LRP5: variants seen among roughly 807,000 people sequenced by gnomAD.
LRP5 encodes the protein LDL receptor related protein 5, also known as low-density lipoprotein receptor-related protein 5.
Under a neutral mutation model 154.1 loss-of-function variants are expected in LRP5, and 62 were observed. The observed-to-expected ratio is 0.40, with a 90% confidence interval of 0.33 to 0.50. LRP5 has a LOEUF of 0.50. LRP5 is among the 20% of genes least tolerant of loss of function. The pLI, the probability that LRP5 is intolerant of heterozygous loss-of-function variation, is 0.55. For missense variants in LRP5, 1,915 were observed against 2,336.7 expected, an observed-to-expected ratio of 0.82 and a Z score of 3.72; for synonymous variants, 966 against 1,011.5, an observed-to-expected ratio of 0.96 and a Z score of 0.85.
At chr11:68,313,361 G>A (rs1417317251) in intron 1 of LRP5, among the ~76,000 whole-genome samples, 1 of 152,128 alleles carries the variant, frequency 6.6e-6, no homozygotes, top group Non-Finnish European at 1.5e-5. Context: ...ACTGACACCT[G>A]CCAGGTGCCC....
chr11:68,385,694 G>A (rs1158389866), intron 5 of LRP5, among the ~76,000 whole-genome samples: 4 of 152,086 alleles, frequency 2.6e-5, no homozygotes, highest in South Asian at 2.1e-4. Context: ...CCTTCATCTC[G>A]GTGGCCTGGG....
chr11:68,414,160 T>G (rs1421174436), intron 12 of LRP5, 148 bp downstream of exon 12: 2 of 782,842 alleles, frequency 2.6e-6, no homozygotes, highest in Non-Finnish European at 2.2e-6. Context: ...TGCATGATGC[T>G]ACCTGGGGGT....
At position 68,395,026 on chromosome 11, in the gene LRP5, C is replaced by T. The variant is rs377481862; in HGVS notation, c.1584+4974C>T. 3.1e-4 allele frequency among the ~76,000 whole-genome samples: 46 copies of T among 149,822 alleles called. 1 individual carries two copies. In the South Asian group the frequency reaches 9.2e-3, roughly 30 times the overall value. ...ATTGAGAGCAACCGAGGTGGCTGGGCGTGGTGGCTTACGCCTGTAATCCCA... is the reference window on the plus strand; with the variant it reads ...ATTGAGAGCAACCGAGGTGGCTGGGTGTGGTGGCTTACGCCTGTAATCCCA... On this transcript the variant is annotated intron_variant, in intron 7 of 22. Coordinates refer to ENST00000294304, the MANE Select transcript of LRP5 (RefSeq NM_002335.4).
chr11:68,348,367 G>A (rs1457589971), intron 2 of LRP5, 124 bp downstream of exon 2: 7 of 1,318,296 alleles, frequency 5.3e-6, no homozygotes, highest in Non-Finnish European at 4.2e-6. Flanking sequence ...TGAACCCGTG[G>A]GGGGGTTGGC....
At chr11:68,315,302 C>T (rs1324804381) in intron 1 of LRP5, among the ~76,000 whole-genome samples, 1 of 152,212 alleles carries the variant, frequency 6.6e-6, no homozygotes, top group Admixed American at 6.5e-5. Flanking sequence ...CTTTCTGGCC[C>T]CAGCCGGTCT....
intron 1 of LRP5, among the ~76,000 whole-genome samples, chr11:68,346,370 G>A (rs1192955251): frequency 6.6e-6 from 1 of 152,248 alleles, no homozygotes. Flanking sequence ...TCCTGGGAAT[G>A]GGAGGGGCCA....
In LRP5 at chr11:68,449,113, G is replaced by T; in HGVS notation, c.*43G>T. The T allele has an allele frequency of 7.3e-7, 1 of 1,363,112 alleles. No homozygotes were observed. The allele number at this position is 1,363,112 out of a possible 1,614,324, so 84.4% of individuals were successfully genotyped here. ...TGGCTTCTCTGTGCCCCTGTAAATA[G>T]TTTTAAATATGAACAAAGAAAAAAA... On this transcript the variant is annotated 3_prime_UTR_variant, in exon 23 of 23. Transcript: ENST00000294304.
rs199871539 is a variant in LRP5, at chr11:68,438,631, G to A, written c.4297G>A (p.Val1433Met). The A allele has an allele frequency of 4.0e-5, 65 of 1,613,630 alleles. No homozygotes were observed. The East Asian group carries it at 8.7e-4, about 22-fold the overall frequency. Residue 1433 changes from valine to methionine, a missense_variant, in exon 20 of 23, where the codon GTG becomes ATG. Coordinates refer to ENST00000294304, the MANE Select transcript of LRP5 (RefSeq NM_002335.4). ...PHEYVSGTPH[V>M]PLNFIAPGGS... ...CGAGTATGTCAGCGGGACCCCGCAC[G>A]TGCCCCTCAATTTCATAGCCCCGGG...
intron 2 of LRP5, among the ~76,000 whole-genome samples, chr11:68,350,233 C>T (rs745821469): frequency 2.6e-5 from 4 of 152,224 alleles, no homozygotes; most frequent in Admixed American, 6.5e-5. Flanking sequence ...CACAGGGTTT[C>T]GCCATGTTGG....
At position 68,428,575 on chromosome 11, in the gene LRP5, G is replaced by A. The variant is rs367933304; in HGVS notation, c.3638-1000G>A. Among the ~76,000 whole-genome samples, 67 of 151,848 alleles carry A rather than the reference G, an allele frequency of 4.4e-4. No individual in the cohort carries two copies. In the East Asian group the frequency reaches 8.0e-3, roughly 18 times the overall value. ...ATGTGTCCATCTCCTTTGTGTCTGC[G>A]TCTTTACCTCTTCTTCTTGTCTGTG... On this transcript the variant is annotated intron_variant, in intron 16 of 22. Coordinates refer to ENST00000294304, the MANE Select transcript of LRP5 (RefSeq NM_002335.4).
intron 1 of LRP5, among the ~76,000 whole-genome samples, chr11:68,321,704 G>A (rs558005491): frequency 1.8e-4 from 27 of 152,294 alleles, no homozygotes; most frequent in African/African-American, 4.8e-4. Context: ...GCATTAGCCC[G>A]ATGGCAAATA....
chr11:68,432,130 G>T (rs920906881), intron 17 of LRP5, among the ~76,000 whole-genome samples: 1 of 152,090 alleles, frequency 6.6e-6, no homozygotes, highest in African/African-American at 2.4e-5. Context: ...AGCCGGGCGC[G>T]CCCCTGGCTC....
chr11:68,305,063 CA>C, the LRP5 span, among the ~76,000 whole-genome samples: 11 of 151,792 alleles, frequency 7.2e-5, no homozygotes, highest in African/African-American at 2.7e-4. Flanking sequence ...TCTGGGGGGC[CA>C]GGGGTGGAAT....
In LRP5 at chr11:68,386,378, C is replaced by T. The variant is rs779767448; in HGVS notation, c.1078C>T (p.Pro360Ser). Reference sequence around the variant, plus strand: ...CCTACGGAGGATCTCGCTGGACACGCCGGACTTCACCGACATCGTGCTGCA... The same window carrying T: ...CCTACGGAGGATCTCGCTGGACACGTCGGACTTCACCGACATCGTGCTGCA... Reference protein sequence around the residue: ...TDLRRISLDTPDFTDIVLQVD... With the variant: ...TDLRRISLDTSDFTDIVLQVD... Residue 360 changes from proline (P) to serine (S), a missense_variant, in exon 6 of 23, where the codon CCG becomes TCG. Transcript: ENST00000294304. This position sits in a 1 kb window ranked among gnomAD's most constrained non-coding sequence, Gnocchi z 7.9. The T allele has an allele frequency of 6.2e-7, 1 of 1,613,732 alleles. No homozygotes were observed. Among genetic ancestry groups the T allele is most frequent in the South Asian group, 1.1e-5 (1 of 91,082 alleles).
chr11:68,353,484 G>A lies in LRP5; in HGVS notation c.489-4166G>A, dbSNP rs2098620487. ...GATTCCAGCCTGTCACAGCGCCCGC[G>A]GCAGCAACCCCTGCTCGCCAAATAC... On this transcript the variant is annotated intron_variant, in intron 2 of 22. Coordinates refer to ENST00000294304, the MANE Select transcript of LRP5 (RefSeq NM_002335.4). This position sits in a 1 kb window ranked among gnomAD's most constrained non-coding sequence, Gnocchi z 4.5. Among the ~76,000 whole-genome samples the A allele has an allele frequency of 6.6e-6, 1 of 152,162 alleles. No individual in the cohort carries two copies. Among genetic ancestry groups the A allele is most frequent in the Non-Finnish European group, 1.5e-5 (1 of 68,034 alleles).
At chr11:68,366,059 C>T (rs532407612) in intron 5 of LRP5, among the ~76,000 whole-genome samples, 9 of 152,136 alleles carry the variant, frequency 5.9e-5, no homozygotes, top group Admixed American at 1.3e-4. Flanking sequence ...TTCCAGGTGT[C>T]GGTTCGGGGC....
intron 10 of LRP5, among the ~76,000 whole-genome samples, chr11:68,410,350 A>C (rs957115437): frequency 3.3e-5 from 5 of 152,188 alleles, no homozygotes; most frequent in African/African-American, 1.2e-4. Context: ...TGTATCAGGC[A>C]CAGTGCTGGC....
rs181450034 is a variant in LRP5 at position 68,330,918 on chromosome 11, C to T, written c.92-16929C>T. Among the ~76,000 whole-genome samples the T allele has an allele frequency of 5.2e-3, 790 of 152,342 alleles. 3 individuals carry two copies. Among genetic ancestry groups the T allele is most frequent in the Non-Finnish European group, 8.6e-3 (582 of 68,030 alleles). ...GTCCAGGATTCAGGGCGCCTCTGAC[C>T]GTTCTCTGCCCAGTGCCTCCTGTTC... On this transcript the variant is annotated intron_variant, in intron 1 of 22. Transcript: ENST00000294304.
intron 21 of LRP5, among the ~76,000 whole-genome samples, chr11:68,445,960 T>C (rs1348900754): frequency 1.3e-5 from 2 of 152,124 alleles, no homozygotes; most frequent in Non-Finnish European, 1.5e-5. Context: ...AAGGGCGTCA[T>C]TGCAGGAGTT....
Sources: allele counts gnomAD v4.1 joint callset (sites outside exome capture counted in the v4.1 genomes callset), GRCh38; gene constraint gnomAD v4.1.1; non-coding constraint Gnocchi (gnomAD v3.1); transcripts MANE v1.5; gene names NCBI Gene and HGNC (gene_info 2026-07-23, HGNC 2026-07-21).